Variants in PRDM6 observed in about 807,000 individuals in gnomAD.
PRDM6 encodes the protein putative histone-lysine N-methyltransferase PRDM6.
In PRDM6, 25 loss-of-function variants were observed where a neutral mutation model predicts 60.8. That is an observed-to-expected ratio of 0.41 (90% CI 0.30 to 0.57). PRDM6 has a LOEUF of 0.57. PRDM6 is among the 20% of genes least tolerant of loss of function. The probability of loss-of-function intolerance (pLI) is 0.27; values close to 1 mark genes in which losing one functional copy is unlikely to be tolerated. For synonymous variants in PRDM6, 407 were observed against 357.4 expected (o/e 1.14, Z -1.57); for missense variants, 839 against 821.3 (o/e 1.02, Z -0.26).
chr5:123,125,854 A>G (rs766244042), intron 3 of PRDM6, among the ~76,000 whole-genome samples: 7 of 152,232 alleles, frequency 4.6e-5, no homozygotes, highest in Non-Finnish European at 1.5e-5. Context: ...GTCCTCTAAC[A>G]TGCAGGTTCT....
In PRDM6 at chr5:123,099,509, G is replaced by A. The variant is rs1764047212; in HGVS notation, c.593-145G>A. 4.4e-6 allele frequency: 3 copies of A among 687,894 alleles called. No homozygotes were observed. Among genetic ancestry groups the A allele is most frequent in the South Asian group, 4.8e-5 (2 of 41,876 alleles). 42.6% of individuals were successfully genotyped at this position (687,894 alleles called of 1,614,324 possible). A position where few individuals can be genotyped will look rare whatever the true frequency, so the allele number is the denominator to read the frequency against. On this transcript the variant is annotated intron_variant, in intron 2 of 7. Transcript: ENST00000407847. This position sits in a 1 kb window ranked among gnomAD's most constrained non-coding sequence, Gnocchi z 4.0. ...TCTCCTCCTCCTCTGAGTTGCTTCG[G>A]TGCCCCCAAGGCATCACCTTCCTCG...
rs1047169297 is a variant in PRDM6 at position 123,162,248 on chromosome 5, C to T, written c.1153+2610C>T. On this transcript the variant is annotated intron_variant, in intron 5 of 7. Coordinates refer to ENST00000407847, the MANE Select transcript of PRDM6 (RefSeq NM_001136239.4). ...GCTTCCACCTGACAATGCTGTCACA[C>T]GGACAGGAGGCATTGAGGGGTTGGA... Among the ~76,000 whole-genome samples the T allele has an allele frequency of 6.8e-4, 104 of 152,268 alleles. 1 individual carries two copies. The highest frequency in any genetic ancestry group is 2.9e-4 in the Non-Finnish European group (20 of 68,010).
At chr5:123,184,177 G>A (rs946445119) in intron 7 of PRDM6, among the ~76,000 whole-genome samples, 8 of 152,116 alleles carry the variant, frequency 5.3e-5, no homozygotes, top group African/African-American at 1.9e-4. Context: ...AAAGTATTTT[G>A]TGGCATATCA....
intron 3 of PRDM6, among the ~76,000 whole-genome samples, chr5:123,130,132 TC>T (rs1764792457): frequency 1.5e-4 from 3 of 19,392 alleles, no homozygotes; most frequent in African/African-American, 3.0e-4. Flanking sequence ...TTCCCTCCCC[TC>T]TCCTTCCTCT....
Position 123,190,534 on chromosome 5 carries a change from T to C in PRDM6, c.*3333T>C, listed in dbSNP as rs1580550987. Reference sequence around the variant, plus strand: ...AATTTATATAATTTGATTCAGTTGGTACATTTTTTATTGTGTTCATTTAAA... The same window carrying C: ...AATTTATATAATTTGATTCAGTTGGCACATTTTTTATTGTGTTCATTTAAA... On this transcript the variant is annotated 3_prime_UTR_variant, in exon 8 of 8. Coordinates refer to ENST00000407847, the MANE Select transcript of PRDM6 (RefSeq NM_001136239.4). 1 of 152,214 alleles carries C rather than the reference T, an allele frequency of 6.6e-6. No individual in the cohort carries two copies. Among genetic ancestry groups the C allele is most frequent in the South Asian group, 2.1e-4 (1 of 4,832 alleles). The allele number at this position is 152,214 out of a possible 1,614,324, so 9.4% of individuals were successfully genotyped here.
chr5:123,167,264 A>C (rs1765772802), intron 5 of PRDM6, among the ~76,000 whole-genome samples: 2 of 152,010 alleles, frequency 1.3e-5, no homozygotes, highest in Admixed American at 1.3e-4. Flanking sequence ...TCTTCTACCA[A>C]ACTGTAAATT....
At chr5:123,177,963 G>A (rs1766054725) in intron 6 of PRDM6, among the ~76,000 whole-genome samples, 1 of 152,120 alleles carries the variant, frequency 6.6e-6, no homozygotes, top group Non-Finnish European at 1.5e-5. Flanking sequence ...TGTGCCATAG[G>A]TCACTGCATC....
At position 123,099,259 on chromosome 5, in the gene PRDM6, AGAAG is replaced by A. The variant is rs1362238831; in HGVS notation, c.593-391_593-388del. Among the ~76,000 whole-genome samples, 1 of 152,194 alleles carries A rather than the reference AGAAG, an allele frequency of 6.6e-6. No individual in the cohort carries two copies. The highest frequency in any genetic ancestry group is 2.4e-5 in the African/African-American group (1 of 41,456). ...AACCTCAGGAATGGGCGAGAGGGTCAGAAGGAACGAGAGACAGTAGGGAAGAGAG... is the reference window on the plus strand; with the variant it reads ...AACCTCAGGAATGGGCGAGAGGGTCAGAACGAGAGACAGTAGGGAAGAGAG... On this transcript the variant is annotated intron_variant, in intron 2 of 7. Coordinates refer to ENST00000407847, the MANE Select transcript of PRDM6 (RefSeq NM_001136239.4). This position sits in a 1 kb window ranked among gnomAD's most constrained non-coding sequence, Gnocchi z 4.0.
intron 3 of PRDM6, among the ~76,000 whole-genome samples, chr5:123,122,659 A>G (rs1041648568): frequency 1.3e-5 from 2 of 152,188 alleles, no homozygotes; most frequent in African/African-American, 4.8e-5. Flanking sequence ...GATAATTGCT[A>G]CAGAAAACTG....
chr5:123,090,204 C>T lies in PRDM6; in HGVS notation c.190C>T (p.Pro64Ser), dbSNP rs113582737. 10 of 1,484,880 alleles carry T rather than the reference C, an allele frequency of 6.7e-6. No homozygotes were observed. The East Asian group carries it at 3.0e-4, about 44-fold the overall frequency. 92.0% of individuals were successfully genotyped at this position (1,484,880 alleles called of 1,614,324 possible). Residue 64 changes from proline (P) to serine (S), a missense_variant, in exon 2 of 8, where the codon CCT becomes TCT. Pro to Ser is a moderately conservative substitution (Grantham distance 74). This residue lies in a region of PRDM6 where 730 missense variants were observed against 648.8 expected (regional missense o/e 1.13). Transcript: ENST00000407847. ...PPPPPPERAE[P>S]PPDSLRPRPA... ...GCCCCCGCCCCCGGAGCGCGCTGAG[C>T]CTCCGCCGGACAGCCTGCGCCCGCG...
chr5:123,111,292 A>G (rs982632208), intron 3 of PRDM6, among the ~76,000 whole-genome samples: 1 of 152,200 alleles, frequency 6.6e-6, no homozygotes, highest in African/African-American at 2.4e-5. Flanking sequence ...AGTCAAGCAT[A>G]GTGCAGTCTG....
At chr5:123,136,112 A>C (rs1764944035) in intron 3 of PRDM6, among the ~76,000 whole-genome samples, 1 of 152,186 alleles carries the variant, frequency 6.6e-6, no homozygotes, top group African/African-American at 2.4e-5. Context: ...GGCCTCTTTG[A>C]AGTGAGAGTG....
intron 3 of PRDM6, among the ~76,000 whole-genome samples, chr5:123,148,075 C>T (rs1272795051): frequency 6.6e-6 from 1 of 152,206 alleles, no homozygotes; most frequent in Non-Finnish European, 1.5e-5. Context: ...GCAAACAACA[C>T]CACAGGTGTT....
intron 7 of PRDM6, among the ~76,000 whole-genome samples, chr5:123,181,373 T>A (rs1019063395): frequency 1.1e-4 from 17 of 152,210 alleles, no homozygotes; most frequent in Non-Finnish European, 2.5e-4. Flanking sequence ...GTGGAAATGA[T>A]GTTTCAGATA....
chr5:123,122,458 C>A lies in PRDM6; in HGVS notation c.900+22497C>A, dbSNP rs1284332590. ...TTGGATTTCTCTGAAGCGGGACTAA[C>A]TTCTTCTTTGGGTGATGACTGAGAT... On this transcript the variant is annotated intron_variant, in intron 3 of 7. Transcript: ENST00000407847. 2.0e-5 allele frequency among the ~76,000 whole-genome samples: 3 copies of A among 152,158 alleles called. No individual in the cohort carries two copies. In the East Asian group the frequency reaches 5.8e-4, roughly 29 times the overall value.
chr5:123,125,227 C>G (rs1764669699), intron 3 of PRDM6, among the ~76,000 whole-genome samples: 1 of 151,294 alleles, frequency 6.6e-6, no homozygotes, highest in Admixed American at 6.6e-5. Flanking sequence ...CCAGGGACTT[C>G]AGCTGTGGGT....
chr5:123,162,836 C>T (rs1765666750), intron 5 of PRDM6, among the ~76,000 whole-genome samples: 1 of 152,204 alleles, frequency 6.6e-6, no homozygotes, highest in South Asian at 2.1e-4. Context: ...GATGGATTCT[C>T]ATTCCATGTG....
In PRDM6 at chr5:123,099,980, A is replaced by C; in HGVS notation, c.900+19A>C. On this transcript the variant is annotated intron_variant, in intron 3 of 7. Transcript: ENST00000407847. This position sits in a 1 kb window ranked among gnomAD's most constrained non-coding sequence, Gnocchi z 4.0. ...CTGGGAGGTAAGTGGCCGGCTGCAC[A>C]GCGCCTCCCCACCGAGCAGGAGCCT... 6.7e-7 allele frequency: 1 copy of C among 1,486,434 alleles called. No individual in the cohort carries two copies. The highest frequency in any genetic ancestry group is 9.0e-7 in the Non-Finnish European group (1 of 1,110,316). 92.1% of individuals were successfully genotyped at this position (1,486,434 alleles called of 1,614,324 possible).
At position 123,106,203 on chromosome 5, in the gene PRDM6, A is replaced by C. The variant is rs960463751; in HGVS notation, c.900+6242A>C. ...ACTATTGGCTGGAATCAATTGGCCA[A>C]GGTTTAACTGAGAAGAGCAATCTAT... On this transcript the variant is annotated intron_variant, in intron 3 of 7. Coordinates refer to ENST00000407847, the MANE Select transcript of PRDM6 (RefSeq NM_001136239.4). 9.2e-5 allele frequency among the ~76,000 whole-genome samples: 14 copies of C among 152,362 alleles called. No individual in the cohort carries two copies. The East Asian group carries it at 2.5e-3, about 27-fold the overall frequency.
Sources: gnomAD v4.1 joint callset for allele counts (sites outside exome capture counted in the v4.1 genomes callset) on GRCh38, gnomAD v4.1.1 for gene constraint, gnomAD v4.1.1 regional missense constraint, Gnocchi (gnomAD v3.1) non-coding constraint, MANE v1.5 for transcripts, NCBI Gene and HGNC (gene_info 2026-07-23, HGNC 2026-07-21) for gene names.